Variants in SH3GL2 observed in about 807,000 individuals in gnomAD.
The protein encoded by SH3GL2 is endophilin-A1.
Under a neutral mutation model 46.0 loss-of-function variants are expected in SH3GL2, and 24 were observed. The ratio of observed to expected loss-of-function variants is 0.52; its 90% confidence interval spans 0.38 to 0.73. The LOEUF (loss-of-function observed/expected upper bound fraction) is 0.73, where lower values mean the gene tolerates loss of function less well. Among genes scored for constraint, SH3GL2 ranks in the 30% least tolerant of loss-of-function variants. The probability of loss-of-function intolerance (pLI) is 0.00; values close to 1 mark genes in which losing one functional copy is unlikely to be tolerated. For synonymous variants in SH3GL2, 196 were observed against 147.1 expected (o/e 1.33, Z -2.40); for missense variants, 413 against 424.2 (o/e 0.97, Z 0.23).
intron 1 of SH3GL2, among the ~76,000 whole-genome samples, chr9:17,659,237 C>G (rs16935854): frequency 0.051 from 7,779 of 152,254 alleles, 651 homozygotes; most frequent in African/African-American, 0.17. Context: ...CCATTTGGCT[C>G]TCTTCCCCAT....
intron 1 of SH3GL2, among the ~76,000 whole-genome samples, chr9:17,651,883 GC>G (rs36101933): frequency 6.6e-6 from 1 of 151,896 alleles, no homozygotes. Context: ...TCTTTAAACT[GC>G]CCAGGGTTTA....
intron 1 of SH3GL2, among the ~76,000 whole-genome samples, chr9:17,596,916 C>A (rs1389333557): frequency 6.6e-6 from 1 of 152,146 alleles, no homozygotes; most frequent in African/African-American, 2.4e-5. Context: ...CACAAGCATG[C>A]CTTTATGGAT....
intron 2 of SH3GL2, among the ~76,000 whole-genome samples, chr9:17,755,063 C>A (rs112483142): frequency 6.6e-6 from 1 of 151,994 alleles, no homozygotes; most frequent in East Asian, 1.9e-4. Context: ...TGTCTTGTGC[C>A]GGTTTTCAGG....
At chr9:17,674,458 G>A (rs150758239) in intron 1 of SH3GL2, among the ~76,000 whole-genome samples, 1 of 151,948 alleles carries the variant, frequency 6.6e-6, no homozygotes, top group Non-Finnish European at 1.5e-5. Flanking sequence ...GTAGGGACAG[G>A]GTTTCACCAT....
Position 17,789,516 on chromosome 9 carries a change from C to G in SH3GL2, c.590C>G (p.Ala197Gly). 1 of 1,613,306 alleles carries G rather than the reference C, an allele frequency of 6.2e-7. No individual in the cohort carries two copies. Among genetic ancestry groups the G allele is most frequent in the Non-Finnish European group, 8.5e-7 (1 of 1,179,440 alleles). The change falls in exon 6 of 9, where the codon GCT becomes GGT. Residue 197 changes from alanine (A) to glycine (G), a missense_variant. By Grantham distance (60) the Ala-to-Gly change is moderately conservative (BLOSUM62 0). Transcript: ENST00000380607. ...LEKFDESKEI[A>G]ESSMFNLLEM... ...AAATTTGATGAGTCTAAGGAAATTG[C>G]TGAGTCAAGCATGTTCAATCTCTTG... is the stretch of plus-strand genomic sequence containing the variant.
At chr9:17,792,501 ATATT>A (rs918269687) in intron 7 of SH3GL2, among the ~76,000 whole-genome samples, 1 of 152,148 alleles carries the variant, frequency 6.6e-6, no homozygotes, top group African/African-American at 2.4e-5. Flanking sequence ...ACTTTGGAAA[ATATT>A]TAGGGGTATG....
At chr9:17,638,156 C>CAAAAAAA (rs10623700) in intron 1 of SH3GL2, among the ~76,000 whole-genome samples, 1 of 145,570 alleles carries the variant, frequency 6.9e-6, no homozygotes, top group Non-Finnish European at 1.5e-5. Flanking sequence ...GACTCCCTCT[C>CAAAAAAA]AAAAAAAAAA....
At chr9:17,742,193 G>C (rs554080560) in intron 1 of SH3GL2, among the ~76,000 whole-genome samples, 1 of 152,312 alleles carries the variant, frequency 6.6e-6, no homozygotes, top group African/African-American at 2.4e-5. Flanking sequence ...TGGAGGCACA[G>C]TGGTTGGCTC....
intron 1 of SH3GL2, among the ~76,000 whole-genome samples, chr9:17,727,090 A>C (rs990054030): frequency 6.6e-6 from 1 of 152,158 alleles, no homozygotes; most frequent in Non-Finnish European, 1.5e-5. Context: ...TGGAGAAGTA[A>C]ATGTTAATAT....
intron 1 of SH3GL2, among the ~76,000 whole-genome samples, chr9:17,713,365 G>A (rs2118288993): frequency 6.6e-6 from 1 of 151,322 alleles, no homozygotes; most frequent in Admixed American, 6.6e-5. Flanking sequence ...TGGCATCATT[G>A]ACTTTTCTGT....
At chr9:17,591,948 A>G (rs564807442) in intron 1 of SH3GL2, among the ~76,000 whole-genome samples, 1 of 152,202 alleles carries the variant, frequency 6.6e-6, no homozygotes, top group Non-Finnish European at 1.5e-5. Flanking sequence ...TTTACTGACT[A>G]TATAAGGGTT....
At chr9:17,602,384 C>G (rs1818687516) in intron 1 of SH3GL2, among the ~76,000 whole-genome samples, 1 of 152,176 alleles carries the variant, frequency 6.6e-6, no homozygotes, top group African/African-American at 2.4e-5. Context: ...TTGTTGTTTT[C>G]TGAGCTCTTC....
At position 17,699,265 on chromosome 9, in the gene SH3GL2, CATTTGGTAAAGATACT is replaced by C. The variant is rs138864909; in HGVS notation, c.46-47797_46-47782del. ...AAACCATGATTGAGTCACTGTCAGT[CATTTGGTAAAGATACT>C]ATTAGACTTCTGTGCAAGCAGCATG... On this transcript the variant is annotated intron_variant, in intron 1 of 8. Transcript: ENST00000380607. Among the ~76,000 whole-genome samples, 594 of 151,810 alleles carry C rather than the reference CATTTGGTAAAGATACT, an allele frequency of 3.9e-3. 14 individuals are homozygous for C. In the East Asian group the frequency reaches 0.067, roughly 17 times the overall value.
chr9:17,757,982 G>A (rs1823049563), intron 2 of SH3GL2, among the ~76,000 whole-genome samples: 1 of 152,152 alleles, frequency 6.6e-6, no homozygotes, highest in Admixed American at 6.5e-5. Flanking sequence ...GCATTATTAT[G>A]GAGGACCGAG....
chr9:17,581,318 C>T (rs1378479195), intron 1 of SH3GL2, among the ~76,000 whole-genome samples: 2 of 152,148 alleles, frequency 1.3e-5, no homozygotes, highest in African/African-American at 4.8e-5. Flanking sequence ...GCATGTGATG[C>T]GATACGGTTA....
chr9:17,776,244 A>T (rs962147330), intron 3 of SH3GL2, among the ~76,000 whole-genome samples: 1 of 152,092 alleles, frequency 6.6e-6, no homozygotes, highest in Non-Finnish European at 1.5e-5. Flanking sequence ...CTCATTTGTG[A>T]TAAACCTTGA....
intron 3 of SH3GL2, among the ~76,000 whole-genome samples, chr9:17,773,054 G>T (rs1033366568): frequency 2.0e-5 from 3 of 152,030 alleles, no homozygotes; most frequent in Admixed American, 2.0e-4. Context: ...GTATCTCATT[G>T]TAGTTTTGAT....
Position 17,671,712 on chromosome 9 carries a change from T to C in SH3GL2, c.46-75354T>C, listed in dbSNP as rs575747700. ...AAGCCTCTGACTAACCTTTGCAGTATTGTGCCTCTGTTCTACACATAATTA... is the reference window on the plus strand; with the variant it reads ...AAGCCTCTGACTAACCTTTGCAGTACTGTGCCTCTGTTCTACACATAATTA... On this transcript the variant is annotated intron_variant, in intron 1 of 8. Coordinates refer to ENST00000380607, the MANE Select transcript of SH3GL2 (RefSeq NM_003026.5). Among the ~76,000 whole-genome samples, 7 of 152,314 alleles carry C rather than the reference T, an allele frequency of 4.6e-5. No homozygotes were observed. In the East Asian group the frequency reaches 9.6e-4, roughly 21 times the overall value.
intron 1 of SH3GL2, among the ~76,000 whole-genome samples, chr9:17,614,060 G>A (rs1463041873): frequency 6.6e-6 from 1 of 151,852 alleles, no homozygotes; most frequent in Non-Finnish European, 1.5e-5. Context: ...TGTTTGGGAA[G>A]GCTCTGGGAA....
Sources: gnomAD v4.1 joint callset for allele counts (sites outside exome capture counted in the v4.1 genomes callset) on GRCh38, gnomAD v4.1.1 for gene constraint, MANE v1.5 for transcripts, NCBI Gene and HGNC (gene_info 2026-07-23, HGNC 2026-07-21) for gene names.